MBP: variants seen among roughly 807,000 people sequenced by gnomAD.
MBP encodes myelin basic protein, also known as Golli-MBP.
Under a neutral mutation model 35.8 loss-of-function variants are expected in MBP, and 16 were observed. The ratio of observed to expected loss-of-function variants is 0.45; its 90% CI spans 0.30 to 0.68. MBP has a LOEUF of 0.68. MBP is among the 30% of genes least tolerant of loss of function. The pLI is 0.08. For missense variants in MBP, 380 were observed against 404.7 expected, an observed-to-expected ratio of 0.94 and a Z score of 0.52; for synonymous variants, 143 against 159.6, an observed-to-expected ratio of 0.90 and a Z score of 0.78.
intron 3 of MBP, among the ~76,000 whole-genome samples, chr18:77,024,167 C>G (rs1192434226): frequency 6.6e-6 from 1 of 152,246 alleles, no homozygotes; most frequent in Non-Finnish European, 1.5e-5. Flanking sequence ...CTGCAGCCCA[C>G]AGGCCGCATG....
chr18:77,123,002 G>A (rs1599283315), intron 1 of MBP, among the ~76,000 whole-genome samples: 1 of 152,162 alleles, frequency 6.6e-6, no homozygotes, highest in African/African-American at 2.4e-5. Context: ...AAAATTACTT[G>A]GGAACTTCTA....
intron 3 of MBP, among the ~76,000 whole-genome samples, chr18:77,027,726 T>C (rs904188946): frequency 6.6e-6 from 1 of 152,250 alleles, no homozygotes; most frequent in Non-Finnish European, 1.5e-5. Context: ...CTTGCTCAGT[T>C]GCCCATGCTG....
Position 76,989,946 on chromosome 18 carries a change from C to A in MBP, c.681+10G>T. The A allele has an allele frequency of 1.2e-6, 2 of 1,606,268 alleles. No homozygotes were observed. Among genetic ancestry groups the A allele is most frequent in the Non-Finnish European group, 1.7e-6 (2 of 1,174,658 alleles). ...ACAGTTGCTACCTCTTCCCATCGAT[C>A]GTCACTTACAATGTTCTTGAAGAAG... On this transcript the variant is annotated intron_variant, in intron 5 of 8. Transcript: ENST00000355994. This position sits in a 1 kb window ranked among gnomAD's most constrained non-coding sequence, Gnocchi z 4.0.
At position 77,102,094 on chromosome 18, in the gene MBP, A is replaced by C. The variant is rs1458043714; in HGVS notation, c.51+3117T>G. ...ATCAGAGCACTCAGCCGCAGGCTCTATGACAGCAGAGGAAAGAATCATCTA... is the reference window on the plus strand; with the variant it reads ...ATCAGAGCACTCAGCCGCAGGCTCTCTGACAGCAGAGGAAAGAATCATCTA... On this transcript the variant is annotated intron_variant, in intron 2 of 8. Coordinates refer to ENST00000355994, the MANE Select transcript of MBP (RefSeq NM_001025101.2). The surrounding 1 kb of genome is among the most constrained non-coding windows in gnomAD (Gnocchi z 4.4). Among the ~76,000 whole-genome samples, 2 of 152,078 alleles carry C rather than the reference A, an allele frequency of 1.3e-5. No homozygotes were observed. The highest frequency in any genetic ancestry group is 4.8e-5 in the African/African-American group (2 of 41,404).
At chr18:77,083,377 C>A (rs1332330705) in intron 2 of MBP, among the ~76,000 whole-genome samples, 1 of 152,078 alleles carries the variant, frequency 6.6e-6, no homozygotes, top group Admixed American at 6.6e-5. Context: ...TTTTCTTTGA[C>A]CTTTTCTTTC....
chr18:77,028,613 C>T (rs1372290966), intron 3 of MBP, among the ~76,000 whole-genome samples: 7 of 71,618 alleles, frequency 9.8e-5, no homozygotes, highest in South Asian at 5.0e-4. Context: ...GCTGGCCGGG[C>T]GGGGGGCTGA....
intron 4 of MBP, chr18:77,003,404 C>A (rs1271773638): frequency 1.3e-5 from 2 of 152,130 alleles, no homozygotes; most frequent in African/African-American, 4.8e-5. Flanking sequence ...GAGTGAAGGG[C>A]GAATGAATTT....
At chr18:77,000,060 C>T (rs1970548792) in intron 4 of MBP, among the ~76,000 whole-genome samples, 1 of 152,040 alleles carries the variant, frequency 6.6e-6, no homozygotes, top group African/African-American at 2.4e-5. Context: ...AGAGATGAGG[C>T]CAGGACATTT....
intron 2 of MBP, among the ~76,000 whole-genome samples, chr18:77,073,193 C>T (rs890295899): frequency 2.6e-5 from 4 of 152,054 alleles, no homozygotes; most frequent in Non-Finnish European, 4.4e-5. Context: ...TATTTTTGCT[C>T]TCTTTAAATT....
intron 3 of MBP, among the ~76,000 whole-genome samples, chr18:77,042,219 C>T (rs546922553): frequency 1.3e-5 from 2 of 152,272 alleles, no homozygotes; most frequent in East Asian, 3.9e-4. Flanking sequence ...CAGGAAGTGG[C>T]ATGCTCTCTT....
chr18:77,098,949 ACTCCTCCTTCCCC>A (rs1243933025), intron 2 of MBP, among the ~76,000 whole-genome samples: 29 of 85,748 alleles, frequency 3.4e-4, no homozygotes, highest in African/African-American at 1.3e-3. Flanking sequence ...CCTCCTTCTC[ACTCCTCCTTCCCC>A]CTCCCTCTTC....
intron 7 of MBP, chr18:76,985,194 A>G: frequency 6.9e-7 from 1 of 1,450,466 alleles, no homozygotes; most frequent in Non-Finnish European, 9.2e-7. Context: ...TTTAGGGAAC[A>G]GTTGCTTACC....
At chr18:77,062,522 A>C (rs982155781) in intron 3 of MBP, among the ~76,000 whole-genome samples, 3 of 152,146 alleles carry the variant, frequency 2.0e-5, no homozygotes, top group African/African-American at 7.2e-5. Flanking sequence ...AAAAAAAAAA[A>C]ACAAATCACA....
At chr18:77,116,326 G>T (rs970825982) in intron 1 of MBP, among the ~76,000 whole-genome samples, 2 of 152,236 alleles carry the variant, frequency 1.3e-5, no homozygotes, top group African/African-American at 4.8e-5. Flanking sequence ...TTTCACATGG[G>T]CATGCAGCAT....
Position 77,113,791 on chromosome 18 carries a change from G to C in MBP, c.-25-8505C>G, listed in dbSNP as rs1209429926. ...ACAGACAATGTTCTTCACCCGTTTT[G>C]AACAGTGAGTCAATTCTGCCCATGA... is the stretch of plus-strand genomic sequence containing the variant. On this transcript the variant is annotated intron_variant, in intron 1 of 8. Coordinates refer to ENST00000355994, the MANE Select transcript of MBP (RefSeq NM_001025101.2). The C allele has an allele frequency of 2.0e-5, 3 of 152,438 alleles. No individual in the cohort carries two copies. In the East Asian group the frequency reaches 5.8e-4, roughly 29 times the overall value. The allele number at this position is 152,438 out of a possible 1,614,324, so 9.4% of individuals were successfully genotyped here.
At chr18:77,087,420 C>A (rs1469539685) in intron 2 of MBP, 1 of 152,184 alleles carries the variant, frequency 6.6e-6, no homozygotes, top group Non-Finnish European at 1.5e-5. Context: ...CCACCCGCGG[C>A]AGGTGGTGCA....
chr18:77,089,653 G>A (rs1300641022), intron 2 of MBP, among the ~76,000 whole-genome samples: 1 of 152,234 alleles, frequency 6.6e-6, no homozygotes, highest in Non-Finnish European at 1.5e-5. Flanking sequence ...GCATGTGGCA[G>A]TTCGTGGGAG....
intron 2 of MBP, chr18:77,095,459 G>A (rs1428847594): frequency 2.0e-5 from 3 of 152,206 alleles, no homozygotes; most frequent in African/African-American, 7.2e-5. Flanking sequence ...GGAATTTGGC[G>A]CTCAATGGCA....
intron 2 of MBP, among the ~76,000 whole-genome samples, chr18:77,066,995 C>T (rs1974226744): frequency 6.6e-6 from 1 of 152,232 alleles, no homozygotes; most frequent in African/African-American, 2.4e-5. Flanking sequence ...CGTTTGGGGC[C>T]CGAATGGCAG....
Sources: allele counts gnomAD v4.1 joint callset (sites outside exome capture counted in the v4.1 genomes callset), GRCh38; gene constraint gnomAD v4.1.1; non-coding constraint Gnocchi (gnomAD v3.1); transcripts MANE v1.5; gene names NCBI Gene and HGNC (gene_info 2026-07-23, HGNC 2026-07-21).